TPCN1: variants seen among roughly 807,000 people sequenced by gnomAD.
TPCN1 encodes two pore segment channel 1, also known as two pore channel protein 1.
A neutral mutation model predicts 108.8 loss-of-function variants in TPCN1; 52 were observed. The ratio of observed to expected loss-of-function variants is 0.48; its 90% CI spans 0.38 to 0.60. TPCN1 has a LOEUF of 0.60. Among genes scored for constraint, TPCN1 ranks in the 20% least tolerant of loss-of-function variants. TPCN1 has a pLI of 0.00. For missense variants in TPCN1, 806 were observed against 1,072.8 expected (o/e 0.75, Z 3.47); for synonymous variants, 446 against 433.7 (o/e 1.03, Z -0.35).
intron 2 of TPCN1, among the ~76,000 whole-genome samples, chr12:113,247,494 T>C (rs1954444659): frequency 6.6e-6 from 1 of 152,200 alleles, no homozygotes; most frequent in African/African-American, 2.4e-5. Context: ...AGTGGGAGCA[T>C]ATCCATTGTC....
chr12:113,296,937 G>C lies in TPCN1; in HGVS notation c.*861G>C, dbSNP rs1956446901. 6.6e-6 allele frequency: 1 copy of C among 152,260 alleles called. No individual in the cohort carries two copies. Among genetic ancestry groups the C allele is most frequent in the South Asian group, 2.1e-4 (1 of 4,828 alleles). 9.4% of individuals were successfully genotyped at this position (152,260 alleles called of 1,614,324 possible). A position where few individuals can be genotyped will look rare whatever the true frequency, so the allele number is the denominator to read the frequency against. The stretch of plus-strand genomic sequence containing the variant: ...CCCGTTCAAGCAAAACAACGTTTTG[G>C]TTAACTAAGGATTGTGCTAAAGCCG... On this transcript the variant is annotated 3_prime_UTR_variant, in exon 28 of 28. Coordinates refer to ENST00000335509, the MANE Select transcript of TPCN1 (RefSeq NM_017901.6).
Position 113,284,476 on chromosome 12 carries a change from C to T in TPCN1, c.1343-105C>T, listed in dbSNP as rs1955996478. ...GTGTGTGGAGCAGCCCTGTTCTCCC[C>T]ATCCCGTAGAGCTCCAGGAAGTTAA... On this transcript the variant is annotated intron_variant, in intron 15 of 27. Transcript: ENST00000335509. This position sits in a 1 kb window ranked among gnomAD's most constrained non-coding sequence, Gnocchi z 4.1. 49 of 1,294,914 alleles carry T rather than the reference C, an allele frequency of 3.8e-5. No individual in the cohort carries two copies. In the South Asian group the frequency reaches 5.8e-4, roughly 15 times the overall value. 80.2% of individuals were successfully genotyped at this position (1,294,914 alleles called of 1,614,324 possible).
chr12:113,242,023 C>T (rs930980175), intron 2 of TPCN1, among the ~76,000 whole-genome samples: 5 of 152,202 alleles, frequency 3.3e-5, no homozygotes, highest in African/African-American at 7.2e-5. Flanking sequence ...TGTCCTGCCT[C>T]ACCAAGAAAT....
At chr12:113,281,240 A>T (rs1955877210) in intron 15 of TPCN1, among the ~76,000 whole-genome samples, 1 of 152,038 alleles carries the variant, frequency 6.6e-6, no homozygotes, top group Non-Finnish European at 1.5e-5. Flanking sequence ...GAGTTTCACC[A>T]TGTTGACCAG....
chr12:113,249,526 T>C (rs1216110151), intron 2 of TPCN1: 1 of 152,208 alleles, frequency 6.6e-6, no homozygotes, highest in African/African-American at 2.4e-5. Context: ...AGCTGGGCAA[T>C]GAATTAGGTG....
intron 2 of TPCN1, among the ~76,000 whole-genome samples, chr12:113,248,490 G>T (rs1445679332): frequency 6.6e-6 from 1 of 152,254 alleles, no homozygotes; most frequent in Non-Finnish European, 1.5e-5. Context: ...TGAGGGGACG[G>T]AGTGATGTGG....
At chr12:113,248,207 C>T (rs1566153298) in intron 2 of TPCN1, among the ~76,000 whole-genome samples, 1 of 152,390 alleles carries the variant, frequency 6.6e-6, no homozygotes, top group East Asian at 1.9e-4. Context: ...TCCTTGTTCT[C>T]CGCCCTCCAG....
At chr12:113,281,074 G>C (rs1376813263) in intron 15 of TPCN1, among the ~76,000 whole-genome samples, 2 of 151,464 alleles carry the variant, frequency 1.3e-5, no homozygotes, top group Admixed American at 6.6e-5. Context: ...TTTTGAGACA[G>C]AGTCTCATTC....
In TPCN1 at chr12:113,266,031, G is replaced by C; in HGVS notation, c.238-149G>C. The C allele has an allele frequency of 1.2e-6, 1 of 859,318 alleles. No individual in the cohort carries two copies. Among genetic ancestry groups the C allele is most frequent in the East Asian group, 2.5e-5 (1 of 39,732 alleles). The allele number at this position is 859,318 out of a possible 1,614,324, so 53.2% of individuals were successfully genotyped here. On this transcript the variant is annotated intron_variant, in intron 3 of 27. Coordinates refer to ENST00000335509, the MANE Select transcript of TPCN1 (RefSeq NM_017901.6). The surrounding 1 kb of genome is among the most constrained non-coding windows in gnomAD (Gnocchi z 4.2). ...ACCTGACCACCGTGAGTTTCGCGAA[G>C]ATCATTTTGATTTTCCAGCATCTTC... is the stretch of plus-strand genomic sequence containing the variant.
At chr12:113,236,077 G>A (rs187017498) in intron 2 of TPCN1, among the ~76,000 whole-genome samples, 4 of 152,250 alleles carry the variant, frequency 2.6e-5, no homozygotes, top group Non-Finnish European at 4.4e-5. Context: ...CTGGGGTGGC[G>A]GAAAAGCCCC....
rs1956180450 is a variant in TPCN1, at chr12:113,288,927, T to C, written c.1796+80T>C. ...GCCAGGGCCAGGATTGGTGTCCTTG[T>C]GGCCTTGGGGTCCTCGGGGATGTTC... is the stretch of plus-strand genomic sequence containing the variant. On this transcript the variant is annotated intron_variant, in intron 21 of 27. Coordinates refer to ENST00000335509, the MANE Select transcript of TPCN1 (RefSeq NM_017901.6). This position sits in a 1 kb window ranked among gnomAD's most constrained non-coding sequence, Gnocchi z 4.8. The C allele has an allele frequency of 5.5e-6, 8 of 1,447,534 alleles. No homozygotes were observed. The highest frequency in any genetic ancestry group is 5.0e-5 in the Admixed American group (3 of 59,638). 89.7% of individuals were successfully genotyped at this position (1,447,534 alleles called of 1,614,324 possible). A position where few individuals can be genotyped will look rare whatever the true frequency, so the allele number is the denominator to read the frequency against.
At position 113,268,802 on chromosome 12, in the gene TPCN1, CATGTGCGG is replaced by C; in HGVS notation, c.590_597del (p.His197ArgfsTer58). ...CGTGGTGTTGGTACGGCAGATGTCC[CATGTGCGG>C]GTGACCCGAGCACTGCGCTGCATTT... On this transcript the variant is annotated frameshift_variant, in exon 6 of 28. Transcript: ENST00000335509. LOFTEE classifies it high-confidence loss of function. The surrounding 1 kb of genome is among the most constrained non-coding windows in gnomAD (Gnocchi z 7.3). The C allele has an allele frequency of 6.2e-7, 1 of 1,614,094 alleles. No individual in the cohort carries two copies. Among genetic ancestry groups the C allele is most frequent in the Non-Finnish European group, 8.5e-7 (1 of 1,180,006 alleles).
At chr12:113,291,845 T>G in intron 24 of TPCN1, 29 bp from the exon 25 acceptor site, 8 of 842,616 alleles carry the variant, frequency 9.5e-6, no homozygotes, top group Non-Finnish European at 1.3e-5. Flanking sequence ...CTCCCCTGCC[T>G]CTGCCCCTCC....
rs759503643 is a variant in TPCN1 at position 113,268,298 on chromosome 12, C to T, written c.528+342C>T. On this transcript the variant is annotated intron_variant, in intron 5 of 27. Coordinates refer to ENST00000335509, the MANE Select transcript of TPCN1 (RefSeq NM_017901.6). The surrounding 1 kb of genome is among the most constrained non-coding windows in gnomAD (Gnocchi z 7.3). ...CCCGGCTCACCTGTCCCTAGTGTTGCGCATATTCTCTCTGTGCCACAGAGA... is the reference window on the plus strand; with the variant it reads ...CCCGGCTCACCTGTCCCTAGTGTTGTGCATATTCTCTCTGTGCCACAGAGA... 3.4e-4 allele frequency among the ~76,000 whole-genome samples: 52 copies of T among 152,314 alleles called. No individual in the cohort carries two copies. Among genetic ancestry groups the T allele is most frequent in the Admixed American group, 9.8e-4 (15 of 15,300 alleles).
rs569091984 is a variant in TPCN1, at chr12:113,267,967, C to T, written c.528+11C>T. ...CGGACCATGGTCAAGGTGATGTGTC[C>T]GCCCATCTGTCCCTCCCCTCACAGC... On this transcript the variant is annotated intron_variant, in intron 5 of 27. Transcript: ENST00000335509. 18 of 1,578,270 alleles carry T rather than the reference C, an allele frequency of 1.1e-5. 1 individual carries two copies. The highest frequency in any genetic ancestry group is 1.7e-4 in the Middle Eastern group (1 of 6,018).
chr12:113,274,526 C>T (rs1285409867), intron 10 of TPCN1, among the ~76,000 whole-genome samples: 1 of 152,092 alleles, frequency 6.6e-6, no homozygotes, highest in Non-Finnish European at 1.5e-5. Flanking sequence ...AGTACAGATA[C>T]AACCATCCTT....
At chr12:113,236,771 G>C (rs1953915434) in intron 2 of TPCN1, among the ~76,000 whole-genome samples, 1 of 152,092 alleles carries the variant, frequency 6.6e-6, no homozygotes, top group Non-Finnish European at 1.5e-5. Context: ...GACTTCTCCT[G>C]CTGGGACTTT....
intron 3 of TPCN1, among the ~76,000 whole-genome samples, chr12:113,261,926 G>T (rs530251837): frequency 1.3e-5 from 2 of 151,952 alleles, no homozygotes; most frequent in Non-Finnish European, 2.9e-5. Flanking sequence ...CCGGGTAGAA[G>T]GAATCAACAA....
chr12:113,260,350 TCTC>T lies in TPCN1; in HGVS notation c.113-14_113-12del. On this transcript the variant is annotated splice_polypyrimidine_tract_variant and intron_variant, in intron 2 of 27. Transcript: ENST00000335509. ...TAAGCCTGGGTGCCAAGTGAATCTC[TCTC>T]CTCTTCCAATGCAGATGGCGGCAGC... 6.7e-7 allele frequency: 1 copy of T among 1,483,784 alleles called. No individual in the cohort carries two copies. The highest frequency in any genetic ancestry group is 1.4e-5 in the South Asian group (1 of 73,972). 91.9% of individuals were successfully genotyped at this position (1,483,784 alleles called of 1,614,324 possible).
Sources: allele counts gnomAD v4.1 joint callset (sites outside exome capture counted in the v4.1 genomes callset), GRCh38; gene constraint gnomAD v4.1.1; non-coding constraint Gnocchi (gnomAD v3.1); transcripts MANE v1.5; gene names NCBI Gene and HGNC (gene_info 2026-07-23, HGNC 2026-07-21).